Variants in CSMD1 observed in about 807,000 individuals in gnomAD.
CSMD1 encodes CUB and Sushi multiple domains 1.
Under a neutral mutation model 417.5 loss-of-function variants are expected in CSMD1, and 213 were observed. The observed-to-expected ratio is 0.51, with a 90% confidence interval of 0.46 to 0.57. CSMD1 has a LOEUF of 0.57. Among genes scored for constraint, CSMD1 ranks in the 20% least tolerant of loss-of-function variants. CSMD1 has a pLI of 0.00. For synonymous variants in CSMD1, 2,862 were observed against 1,736.8 expected (o/e 1.65, Z -16.11); for missense variants, 6,923 against 4,529.7 (o/e 1.53, Z -15.17).
intron 28 of CSMD1, among the ~76,000 whole-genome samples, chr8:3,221,028 G>GT (rs1203776144): frequency 1.1e-4 from 16 of 141,944 alleles, no homozygotes; most frequent in African/African-American, 2.6e-4. Flanking sequence ...GTTTTTGCTT[G>GT]TTGGTTTGTT....
At chr8:4,976,569 G>C (rs146566172) in intron 1 of CSMD1, among the ~76,000 whole-genome samples, 22 of 152,234 alleles carry the variant, frequency 1.4e-4, no homozygotes, top group Middle Eastern at 3.4e-3. Context: ...TTTGTTGTTA[G>C]TATGTCCAAA....
At chr8:4,085,055 T>C (rs769938290) in intron 3 of CSMD1, among the ~76,000 whole-genome samples, 2 of 152,134 alleles carry the variant, frequency 1.3e-5, no homozygotes, top group Non-Finnish European at 1.5e-5. Context: ...TCATAAGCAA[T>C]ATGTTGCCAA....
At chr8:4,216,091 G>T (rs1800651293) in intron 3 of CSMD1, among the ~76,000 whole-genome samples, 1 of 152,070 alleles carries the variant, frequency 6.6e-6, no homozygotes, top group African/African-American at 2.4e-5. Flanking sequence ...GCTATTTCTT[G>T]GCATGCAGTC....
chr8:3,271,562 C>G (rs1801856532), intron 26 of CSMD1, among the ~76,000 whole-genome samples: 1 of 151,402 alleles, frequency 6.6e-6, no homozygotes, highest in Non-Finnish European at 1.5e-5. Flanking sequence ...AAAAGTGTTC[C>G]TATTTCTCCA....
chr8:4,482,903 T>A (rs1801174026), intron 2 of CSMD1, among the ~76,000 whole-genome samples: 1 of 152,162 alleles, frequency 6.6e-6, no homozygotes, highest in Non-Finnish European at 1.5e-5. Context: ...TATGTAAAAT[T>A]TTCCAAATAT....
chr8:4,845,707 G>A (rs1801102065), intron 1 of CSMD1, among the ~76,000 whole-genome samples: 1 of 152,214 alleles, frequency 6.6e-6, no homozygotes, highest in Non-Finnish European at 1.5e-5. Context: ...ACAATGGTGT[G>A]CTGTTTGCCG....
intron 10 of CSMD1, among the ~76,000 whole-genome samples, chr8:3,564,920 G>C (rs1306271803): frequency 6.6e-6 from 1 of 151,724 alleles, no homozygotes; most frequent in Non-Finnish European, 1.5e-5. Context: ...ATATGTTGGA[G>C]AGTTGACAAG....
chr8:4,275,301 C>T (rs1796419441), intron 3 of CSMD1, among the ~76,000 whole-genome samples: 3 of 151,886 alleles, frequency 2.0e-5, no homozygotes, highest in Non-Finnish European at 4.4e-5. Context: ...AGAACAGAAA[C>T]TGTAAGGTCA....
chr8:3,854,224 T>G (rs1804134205), intron 5 of CSMD1, among the ~76,000 whole-genome samples: 1 of 149,642 alleles, frequency 6.7e-6, no homozygotes, highest in African/African-American at 2.4e-5. Flanking sequence ...TTAAAACATG[T>G]GAAACTTTCT....
At chr8:4,476,117 A>T (rs1800789667) in intron 2 of CSMD1, among the ~76,000 whole-genome samples, 1 of 152,002 alleles carries the variant, frequency 6.6e-6, no homozygotes, top group Non-Finnish European at 1.5e-5. Flanking sequence ...AAATTTATAA[A>T]CAAGTTACAT....
chr8:3,961,852 G>T (rs547624033), intron 5 of CSMD1, among the ~76,000 whole-genome samples: 99 of 152,300 alleles, frequency 6.5e-4, no homozygotes, highest in Admixed American at 1.3e-3. Flanking sequence ...ATGAGGAAGA[G>T]ATGTCCCTTT....
intron 3 of CSMD1, among the ~76,000 whole-genome samples, chr8:4,189,812 G>T (rs149701610): frequency 6.6e-6 from 1 of 152,064 alleles, no homozygotes; most frequent in African/African-American, 2.4e-5. Flanking sequence ...ATATATTAAG[G>T]TAAAGTGGAT....
chr8:4,949,984 T>A lies in CSMD1; in HGVS notation c.85+44348A>T, dbSNP rs147271200. Among the ~76,000 whole-genome samples, 1,420 of 152,264 alleles carry A rather than the reference T, an allele frequency of 9.3e-3. 27 individuals are homozygous for A. The highest frequency in any genetic ancestry group is 0.033 in the African/African-American group (1,350 of 41,534). ...AAACAGTTAATGCAAATGTTTTTTA[T>A]CTAATTGGTCACGACTATTGATTGA... On this transcript the variant is annotated intron_variant, in intron 1 of 69. Transcript: ENST00000635120.
intron 1 of CSMD1, among the ~76,000 whole-genome samples, chr8:4,908,573 T>C (rs187532169): frequency 6.1e-4 from 92 of 151,852 alleles, no homozygotes; most frequent in Middle Eastern, 6.8e-3. Flanking sequence ...TCTCTTTTCA[T>C]TTCAATGTAG....
intron 25 of CSMD1, among the ~76,000 whole-genome samples, chr8:3,290,166 G>T (rs1467526551): frequency 6.8e-6 from 1 of 146,916 alleles, no homozygotes; most frequent in South Asian, 2.1e-4. Flanking sequence ...TGAGGGCTCT[G>T]TTCTGTTCCA....
intron 49 of CSMD1, among the ~76,000 whole-genome samples, chr8:3,062,629 G>C (rs1464455195): frequency 6.7e-6 from 1 of 150,248 alleles, no homozygotes; most frequent in East Asian, 1.9e-4. Context: ...AGTATCTTTA[G>C]ATGTTCTAAT....
At chr8:4,331,163 C>T (rs766691969) in intron 3 of CSMD1, among the ~76,000 whole-genome samples, 4 of 152,110 alleles carry the variant, frequency 2.6e-5, no homozygotes, top group Non-Finnish European at 4.4e-5. Context: ...AAATTATTTG[C>T]CTGATAAGAA....
chr8:4,626,803 T>C (rs1381927682), intron 2 of CSMD1, among the ~76,000 whole-genome samples: 1 of 152,198 alleles, frequency 6.6e-6, no homozygotes, highest in Non-Finnish European at 1.5e-5. Context: ...TGCAGAGTTC[T>C]GAATTCTGTT....
At chr8:4,196,336 G>A (rs1052755524) in intron 3 of CSMD1, among the ~76,000 whole-genome samples, 9 of 152,266 alleles carry the variant, frequency 5.9e-5, no homozygotes, top group Admixed American at 2.0e-4. Context: ...CAAATAGAGC[G>A]GCTTAAGAGA....
Sources: gnomAD v4.1 joint callset for allele counts (sites outside exome capture counted in the v4.1 genomes callset) on GRCh38, gnomAD v4.1.1 for gene constraint, MANE v1.5 for transcripts, NCBI Gene and HGNC (gene_info 2026-07-23, HGNC 2026-07-21) for gene names.